The following ZNF536 variants were observed in gnomAD, a reference collection of about 807,000 sequenced individuals.
ZNF536 encodes zinc finger protein 536.
ZNF536 carries 13 observed loss-of-function variants against 84.5 expected under a neutral mutation model. That is an observed-to-expected ratio of 0.15 (90% CI 0.10 to 0.24). The LOEUF is 0.24. Among genes scored for constraint, ZNF536 ranks in the 10% least tolerant of loss-of-function variants. The pLI is 1.00. For synonymous variants in ZNF536, 811 were observed against 742.5 expected, an observed-to-expected ratio of 1.09 and a Z score of -1.50; for missense variants, 1,536 against 1,747.5, an observed-to-expected ratio of 0.88 and a Z score of 2.16.
Position 30,548,323 on chromosome 19 carries a change from AGAG to A in ZNF536, c.2705_2707del (p.Arg902_Ala903delinsThr). ...AAGCACCCACTTCTCTGAGATCGGA[AGAG>A]CTTATCAAAGCATTGTGAGCAACGG... On this transcript the variant is annotated inframe_deletion, in exon 4 of 5. Transcript: ENST00000355537. The A allele has an allele frequency of 1.2e-6, 2 of 1,613,890 alleles. No homozygotes were observed. Among genetic ancestry groups the A allele is most frequent in the Non-Finnish European group, 1.7e-6 (2 of 1,179,770 alleles).
Position 30,421,994 on chromosome 19 carries a change from A to G in ZNF536, c.-2-21567A>G, listed in dbSNP as rs142942171. 2.8e-3 allele frequency among the ~76,000 whole-genome samples: 431 copies of G among 152,338 alleles called. 1 individual carries two copies. The highest frequency in any genetic ancestry group is 9.8e-3 in the African/African-American group (406 of 41,564). On this transcript the variant is annotated intron_variant, in intron 1 of 4. Coordinates refer to ENST00000355537, the MANE Select transcript of ZNF536 (RefSeq NM_014717.3). ...TTTCCTTTTAAATGCATTAAAGTAA[A>G]AAATAGTGAATTAATTAAAAAAATA...
chr19:30,644,952 C>T (rs2049408388), intron 1 of ZNF536, among the ~76,000 whole-genome samples: 1 of 152,154 alleles, frequency 6.6e-6, no homozygotes, highest in Non-Finnish European at 1.5e-5. Context: ...CACTGACTTC[C>T]ACAATGGTTG....
intron 1 of ZNF536, among the ~76,000 whole-genome samples, chr19:30,271,955 C>T (rs1370029651): frequency 6.6e-6 from 1 of 152,208 alleles, no homozygotes; most frequent in East Asian, 1.9e-4. Context: ...AGGTCTTCAG[C>T]CTTTGGGATC....
intron 1 of ZNF536, among the ~76,000 whole-genome samples, chr19:30,663,200 G>T (rs2147609009): frequency 6.6e-6 from 1 of 151,998 alleles, no homozygotes; most frequent in African/African-American, 2.4e-5. Context: ...TTAGCACATG[G>T]TAGTGTCATT....
chr19:30,326,805 T>TTTTTG (rs2047049084), intron 2 of ZNF536, among the ~76,000 whole-genome samples: 1 of 132,822 alleles, frequency 7.5e-6, no homozygotes, highest in African/African-American at 2.9e-5. Context: ...TTTTTTTTTT[T>TTTTTG]TTTTTTTTTT....
intron 3 of ZNF536, among the ~76,000 whole-genome samples, chr19:30,535,312 G>C (rs902399232): frequency 4.6e-5 from 7 of 152,170 alleles, no homozygotes; most frequent in African/African-American, 1.7e-4. Context: ...TATTGAAGGA[G>C]TCCCTCCCCA....
At chr19:30,427,982 T>G (rs1600689469) in intron 1 of ZNF536, among the ~76,000 whole-genome samples, 1 of 152,258 alleles carries the variant, frequency 6.6e-6, no homozygotes, top group Non-Finnish European at 1.5e-5. Context: ...AGTGACATTT[T>G]TGTGGTCACG....
intron 3 of ZNF536, among the ~76,000 whole-genome samples, chr19:30,356,540 C>A (rs2048100987): frequency 6.6e-6 from 1 of 152,202 alleles, no homozygotes; most frequent in Non-Finnish European, 1.5e-5. Context: ...TGATGATAAG[C>A]CATGCACATG....
At chr19:30,234,581 T>C (rs1368341500) in intron 1 of ZNF536, among the ~76,000 whole-genome samples, 1 of 151,952 alleles carries the variant, frequency 6.6e-6, no homozygotes, top group African/African-American at 2.4e-5. Context: ...TTTGTGTTTT[T>C]AGTAGAGACA....
At chr19:30,701,805 G>A (rs573306523) in intron 1 of ZNF536, among the ~76,000 whole-genome samples, 27 of 152,312 alleles carry the variant, frequency 1.8e-4, no homozygotes, top group Non-Finnish European at 2.8e-4. Context: ...TCCCTGGATC[G>A]GGGATTTCAT....
rs145022288 is a variant in ZNF536, at chr19:30,262,255, C to G, written c.-189-21817C>G. ...GGTCTCCTCATTGTCCTCTCTTCCTCCTTTTCCATGGCGGCTGCCCAGGAC... is the reference window on the plus strand; with the variant it reads ...GGTCTCCTCATTGTCCTCTCTTCCTGCTTTTCCATGGCGGCTGCCCAGGAC... On this transcript the variant is annotated intron_variant, in intron 1 of 5. Coordinates refer to the ZNF536 transcript ENST00000585628. Among the ~76,000 whole-genome samples the G allele has an allele frequency of 2.0e-5, 3 of 152,238 alleles. No individual in the cohort carries two copies. In the East Asian group the frequency reaches 5.8e-4, roughly 29 times the overall value.
intron 1 of ZNF536, 129 bp from the exon 2 acceptor site, chr19:30,443,432 G>T (rs2052158285): frequency 7.6e-7 from 1 of 1,318,170 alleles, no homozygotes; most frequent in Admixed American, 2.7e-5. Context: ...TATTGTTTTT[G>T]ACAAGAATTC....
intron 2 of ZNF536, among the ~76,000 whole-genome samples, chr19:30,519,438 C>T: frequency 6.6e-6 from 1 of 152,172 alleles, no homozygotes; most frequent in Non-Finnish European, 1.5e-5. Context: ...AGTGGGAGCC[C>T]TGCACTCTCT....
chr19:30,227,671 G>T (rs1285163948), upstream of ZNF536, among the ~76,000 whole-genome samples: 8 of 151,888 alleles, frequency 5.3e-5, no homozygotes, highest in Non-Finnish European at 1.0e-4. Context: ...GGCGAGGGGC[G>T]AGCGGGAGGG....
intron 2 of ZNF536, among the ~76,000 whole-genome samples, chr19:30,503,822 G>A (rs976471035): frequency 6.6e-6 from 1 of 151,934 alleles, no homozygotes; most frequent in African/African-American, 2.4e-5. Flanking sequence ...CCTCTTTGCA[G>A]GCCACCTGGG....
intron 1 of ZNF536, among the ~76,000 whole-genome samples, chr19:30,581,720 G>A (rs944121810): frequency 1.3e-5 from 2 of 152,034 alleles, no homozygotes; most frequent in South Asian, 2.1e-4. Flanking sequence ...GGCGGATCAC[G>A]AGGTCAGGAG....
chr19:30,261,381 A>G (rs2025212826), intron 1 of ZNF536, among the ~76,000 whole-genome samples: 1 of 150,704 alleles, frequency 6.6e-6, no homozygotes, highest in African/African-American at 2.4e-5. Flanking sequence ...GCTTAAGGTG[A>G]GGCTAACTTA....
At chr19:30,482,102 G>A (rs984569656) in intron 2 of ZNF536, among the ~76,000 whole-genome samples, 7 of 152,064 alleles carry the variant, frequency 4.6e-5, no homozygotes, top group African/African-American at 1.7e-4. Context: ...CTTTGCAATT[G>A]CAAATTGTGC....
At chr19:30,443,411 C>A in intron 1 of ZNF536, 150 bp from the exon 2 acceptor site, 1 of 1,246,448 alleles carries the variant, frequency 8.0e-7, no homozygotes, top group Non-Finnish European at 1.1e-6. Context: ...TTTAATAATT[C>A]ATTTTTTTAT....
Sources: gnomAD v4.1 joint callset for allele counts (sites outside exome capture counted in the v4.1 genomes callset) on GRCh38, gnomAD v4.1.1 for gene constraint, MANE v1.5 for transcripts, NCBI Gene and HGNC (gene_info 2026-07-23, HGNC 2026-07-21) for gene names.